ATP11A: variants seen among roughly 807,000 people sequenced by gnomAD.
The protein encoded by ATP11A is phospholipid-transporting ATPase IH.
In ATP11A, 81 loss-of-function variants were observed where a neutral mutation model predicts 154.4. The ratio of observed to expected loss-of-function variants is 0.52; its 90% CI spans 0.44 to 0.63. The LOEUF (loss-of-function observed/expected upper bound fraction) is 0.63. Ranked by LOEUF, ATP11A falls within the 30% of genes least tolerant of loss-of-function variation. The pLI, the probability that ATP11A is intolerant of heterozygous loss-of-function variation, is 0.00. For missense variants in ATP11A, 1,316 were observed against 1,474.3 expected, an observed-to-expected ratio of 0.89 and a Z score of 1.76; for synonymous variants, 623 against 585.9, an observed-to-expected ratio of 1.06 and a Z score of -0.91.
At chr13:112,691,040 G>C (rs1885098901) in intron 1 of ATP11A, among the ~76,000 whole-genome samples, 1 of 152,212 alleles carries the variant, frequency 6.6e-6, no homozygotes, top group African/African-American at 2.4e-5. Flanking sequence ...GGGTCTTCTT[G>C]GGTTCCTCTG....
chr13:112,815,341 A>G (rs1216516932), intron 5 of ATP11A, among the ~76,000 whole-genome samples: 1 of 145,758 alleles, frequency 6.9e-6, no homozygotes, highest in African/African-American at 2.6e-5. Flanking sequence ...CACACCCTTC[A>G]GACACACAGT....
At chr13:112,848,474 G>A (rs1113431) in intron 17 of ATP11A, among the ~76,000 whole-genome samples, 55,389 of 151,898 alleles carry the variant, frequency 0.36, 11,467 homozygotes, top group African/African-American at 0.57. Context: ...ATGGTCTTCT[G>A]GATATAGGAT....
Position 112,859,602 on chromosome 13 carries a change from A to T in ATP11A, c.2727+150A>T. 191 of 514,244 alleles carry T rather than the reference A, an allele frequency of 3.7e-4. No homozygotes were observed. The highest frequency in any genetic ancestry group is 1.6e-3 in the Middle Eastern group (4 of 2,472). The allele number at this position is 514,244 out of a possible 1,614,324, so 31.9% of individuals were successfully genotyped here. On this transcript the variant is annotated intron_variant, in intron 23 of 29. Transcript: ENST00000375645. The surrounding 1 kb of genome is among the most constrained non-coding windows in gnomAD (Gnocchi z 4.3). ...GGTGCCCAGCAGCAGGCGGGGGTGA[A>T]GGGTCGGGCCTGGGGAGGGGGGCCA...
At chr13:112,841,054 C>T (rs747578433) in intron 16 of ATP11A, among the ~76,000 whole-genome samples, 8 of 152,288 alleles carry the variant, frequency 5.3e-5, no homozygotes, top group Non-Finnish European at 7.3e-5. Context: ...CTGCCGTCAC[C>T]GCGCCGTAGC....
At chr13:112,866,592 G>A (rs911986400) in intron 25 of ATP11A, among the ~76,000 whole-genome samples, 5 of 150,910 alleles carry the variant, frequency 3.3e-5, no homozygotes, top group African/African-American at 9.7e-5. Flanking sequence ...AGCCGTACAA[G>A]CAGACACCAG....
At chr13:112,815,876 T>C (rs917560949) in intron 5 of ATP11A, among the ~76,000 whole-genome samples, 6 of 152,212 alleles carry the variant, frequency 3.9e-5, no homozygotes, top group Admixed American at 3.3e-4. Context: ...TCTGTGTTTT[T>C]GCTGCGGAAG....
In ATP11A at chr13:112,693,812, C is replaced by T. The variant is rs191057208; in HGVS notation, c.39+3357C>T. On this transcript the variant is annotated intron_variant, in intron 1 of 29. Coordinates refer to ENST00000375645, the MANE Select transcript of ATP11A (RefSeq NM_015205.3). ...ACTAAAAATACAAAAATTAGCCGGGCATGGTGGCGGGTGCCTGTAATCCCA... is the reference window on the plus strand; with the variant it reads ...ACTAAAAATACAAAAATTAGCCGGGTATGGTGGCGGGTGCCTGTAATCCCA... Among the ~76,000 whole-genome samples, 137 of 152,222 alleles carry T rather than the reference C, an allele frequency of 9.0e-4. 3 individuals carry two copies. The East Asian group carries it at 0.025, about 28-fold the overall frequency.
At chr13:112,818,322 G>A (rs1008197857) in intron 6 of ATP11A, among the ~76,000 whole-genome samples, 1 of 151,380 alleles carries the variant, frequency 6.6e-6, no homozygotes. Context: ...TGGTGACGGG[G>A]CGGTGACCGT....
rs113790437 is a variant in ATP11A, at chr13:112,778,602, G to A, written c.40-6533G>A. On this transcript the variant is annotated intron_variant, in intron 1 of 29. Transcript: ENST00000375645. ...TGAGTAGCCACTGGAATGAGTAGCC[G>A]CTGGTTTGAGGAGTAGCCACTGGAG... Among the ~76,000 whole-genome samples the A allele has an allele frequency of 3.1e-3, 477 of 151,626 alleles. 4 individuals are homozygous for A. Among genetic ancestry groups the A allele is most frequent in the African/African-American group, 0.011 (457 of 41,192 alleles).
Position 112,875,675 on chromosome 13 carries a change from A to T in ATP11A, c.3162-101A>T. The T allele has an allele frequency of 2.2e-6, 3 of 1,360,718 alleles. No individual in the cohort carries two copies. The highest frequency in any genetic ancestry group is 3.0e-6 in the Non-Finnish European group (3 of 1,003,448). 84.3% of individuals were successfully genotyped at this position (1,360,718 alleles called of 1,614,324 possible). Reference sequence around the variant, plus strand: ...GGCTTGCCAAGCAACTCTCACTGACAAAAGTGTAAACTCCCTGAACAGACG... The same window carrying T: ...GGCTTGCCAAGCAACTCTCACTGACTAAAGTGTAAACTCCCTGAACAGACG... On this transcript the variant is annotated intron_variant, in intron 27 of 29. Coordinates refer to ENST00000375645, the MANE Select transcript of ATP11A (RefSeq NM_015205.3). The surrounding 1 kb of genome is among the most constrained non-coding windows in gnomAD (Gnocchi z 4.1).
intron 26 of ATP11A, among the ~76,000 whole-genome samples, chr13:112,872,500 A>G (rs1444279395): frequency 6.6e-6 from 1 of 152,216 alleles, no homozygotes; most frequent in East Asian, 1.9e-4. Context: ...AATCCCAGCT[A>G]CTTGGGAGGC....
At chr13:112,775,209 C>T (rs555474385) in intron 1 of ATP11A, among the ~76,000 whole-genome samples, 2 of 152,386 alleles carry the variant, frequency 1.3e-5, no homozygotes, top group African/African-American at 4.8e-5. Context: ...CGCGTAGCTT[C>T]CAGGTGTTTC....
chr13:112,832,583 C>T (rs150832332), intron 13 of ATP11A, among the ~76,000 whole-genome samples: 283 of 151,838 alleles, frequency 1.9e-3, no homozygotes, highest in African/African-American at 6.5e-3. Flanking sequence ...CATTTCTGAG[C>T]GCACGTGAAG....
intron 18 of ATP11A, among the ~76,000 whole-genome samples, chr13:112,852,901 T>C (rs2079811833): frequency 6.6e-6 from 1 of 151,986 alleles, no homozygotes; most frequent in African/African-American, 2.4e-5. Context: ...TTGAATCGAA[T>C]TGTAGGGCCA....
intron 1 of ATP11A, among the ~76,000 whole-genome samples, chr13:112,729,945 C>G (rs1890316690): frequency 2.0e-5 from 3 of 152,244 alleles, no homozygotes; most frequent in Admixed American, 2.0e-4. Flanking sequence ...GTAGTACTTA[C>G]TTCTTCAATA....
At chr13:112,772,341 CG>C (rs1411744775) in intron 1 of ATP11A, among the ~76,000 whole-genome samples, 9 of 152,148 alleles carry the variant, frequency 5.9e-5, no homozygotes, top group African/African-American at 2.2e-4. Context: ...GGAGCGGCTG[CG>C]GTGGGGCCAT....
chr13:112,730,652 T>A (rs567295026), intron 1 of ATP11A, among the ~76,000 whole-genome samples: 56 of 152,328 alleles, frequency 3.7e-4, no homozygotes, highest in African/African-American at 1.3e-3. Flanking sequence ...AATTGCGCCC[T>A]TCTGGACACA....
Position 112,854,413 on chromosome 13 carries a change from A to G in ATP11A, c.2126A>G (p.Gln709Arg), listed in dbSNP as rs779035291. 19 of 1,613,292 alleles carry G rather than the reference A, an allele frequency of 1.2e-5. No individual in the cohort carries two copies. The highest frequency in any genetic ancestry group is 1.5e-5 in the Non-Finnish European group (18 of 1,180,000). The change falls in exon 19 of 30, where the codon CAG becomes CGG. Residue 709 changes from glutamine to arginine, a missense_variant. Around this residue, in one of 5 missense-constraint regions of ATP11A, gnomAD observed 876 missense variants for 1,006.8 expected, o/e 0.87. Transcript: ENST00000375645. ...YACKLFRRNT[Q>R]LLELTTKRIE... ...TGCAAGCTCTTCCGCAGGAACACGC[A>G]GCTGCTGGAGCTGACCACCAAGAGG...
chr13:112,810,811 C>T (rs979342025), intron 5 of ATP11A, 85 bp downstream of exon 5: 54 of 1,182,224 alleles, frequency 4.6e-5, no homozygotes, highest in Middle Eastern at 4.1e-4. Flanking sequence ...TGGCTCGCGC[C>T]TCCAGTCCCA....
Sources: gnomAD v4.1 joint callset for allele counts (sites outside exome capture counted in the v4.1 genomes callset) on GRCh38, gnomAD v4.1.1 for gene constraint, gnomAD v4.1.1 regional missense constraint, Gnocchi (gnomAD v3.1) non-coding constraint, MANE v1.5 for transcripts, NCBI Gene and HGNC (gene_info 2026-07-23, HGNC 2026-07-21) for gene names.